Variants in SH3GLB1 observed in about 807,000 individuals in gnomAD.
The protein encoded by SH3GLB1 is endophilin-B1.
A neutral mutation model predicts 42.0 loss-of-function variants in SH3GLB1; 17 were observed. That is an observed-to-expected ratio of 0.40 (90% CI 0.28 to 0.61). SH3GLB1 has a LOEUF of 0.61. Ranked by LOEUF, SH3GLB1 falls within the 20% of genes least tolerant of loss-of-function variation. The probability of loss-of-function intolerance (pLI) is 0.36; values close to 1 mark genes in which losing one functional copy is unlikely to be tolerated. For missense variants in SH3GLB1, 355 were observed against 426.3 expected (o/e 0.83, Z 1.47); for synonymous variants, 132 against 146.6 (o/e 0.90, Z 0.72).
At chr1:86,715,605 G>C in intron 1 of SH3GLB1, 119 bp from the exon 2 acceptor site, 1 of 1,029,242 alleles carries the variant, frequency 9.7e-7, no homozygotes, top group Non-Finnish European at 1.4e-6. Flanking sequence ...TACAAAGCTG[G>C]AGCATGGTTA....
chr1:86,714,347 A>G (rs1261779252), intron 1 of SH3GLB1, among the ~76,000 whole-genome samples: 1 of 152,228 alleles, frequency 6.6e-6, no homozygotes, highest in African/African-American at 2.4e-5. Context: ...GCTTTTGCTC[A>G]GTGCCCAGTC....
intron 1 of SH3GLB1, among the ~76,000 whole-genome samples, chr1:86,713,050 T>G (rs1159347142): frequency 6.6e-6 from 1 of 152,162 alleles, no homozygotes; most frequent in Non-Finnish European, 1.5e-5. Context: ...AATTGCTGAT[T>G]TTCCTGAAAT....
chr1:86,739,806 G>A (rs1655969356), intron 7 of SH3GLB1, among the ~76,000 whole-genome samples: 1 of 152,056 alleles, frequency 6.6e-6, no homozygotes, highest in Non-Finnish European at 1.5e-5. Context: ...ATGAGATTTT[G>A]TGCACATATG....
At chr1:86,724,912 TA>T (rs375596882) in intron 5 of SH3GLB1, among the ~76,000 whole-genome samples, 10 of 123,088 alleles carry the variant, frequency 8.1e-5, no homozygotes, top group African/African-American at 3.6e-4. Flanking sequence ...TATATATATA[TA>T]AAATATATAA....
chr1:86,745,097 G>A lies in SH3GLB1; in HGVS notation c.*1862G>A, dbSNP rs557704053. On this transcript the variant is annotated 3_prime_UTR_variant, in exon 9 of 9. Coordinates refer to ENST00000370558, the MANE Select transcript of SH3GLB1 (RefSeq NM_016009.5). ...AACAGCAACTATGAATTAGGTTTATGGGAAATGTAGTAATACAGGGGAAAG... is the reference window on the plus strand; with the variant it reads ...AACAGCAACTATGAATTAGGTTTATAGGAAATGTAGTAATACAGGGGAAAG... 1 of 152,316 alleles carries A rather than the reference G, an allele frequency of 6.6e-6. No homozygotes were observed. The highest frequency in any genetic ancestry group is 1.9e-4 in the East Asian group (1 of 5,190). 9.4% of individuals were successfully genotyped at this position (152,316 alleles called of 1,614,324 possible).
intron 7 of SH3GLB1, among the ~76,000 whole-genome samples, chr1:86,739,263 G>T (rs910015153): frequency 6.6e-6 from 1 of 152,130 alleles, no homozygotes; most frequent in Non-Finnish European, 1.5e-5. Context: ...AAAAGGAGAG[G>T]ATCAAGGACT....
At position 86,718,602 on chromosome 1, in the gene SH3GLB1, C is replaced by T. The variant is rs532683778; in HGVS notation, c.215-905C>T. ...TTTTCAGTGCACTGTGTGAAACTTC[C>T]GCATGCGTAGGAATCTATGTGAGGT... On this transcript the variant is annotated intron_variant, in intron 2 of 8. Coordinates refer to ENST00000370558, the MANE Select transcript of SH3GLB1 (RefSeq NM_016009.5). Among the ~76,000 whole-genome samples, 180 of 152,214 alleles carry T rather than the reference C, an allele frequency of 1.2e-3. 2 individuals are homozygous for T. Among genetic ancestry groups the T allele is most frequent in the Admixed American group, 2.5e-3 (38 of 15,288 alleles).
chr1:86,724,100 A>G (rs369329807), intron 4 of SH3GLB1, among the ~76,000 whole-genome samples: 20 of 147,238 alleles, frequency 1.4e-4, no homozygotes, highest in East Asian at 8.7e-4. Context: ...CCAGACACTT[A>G]CAATGTTTCA....
chr1:86,715,787 C>A lies in SH3GLB1; in HGVS notation c.136C>A (p.Leu46Ile), dbSNP rs757330913. ...ATTGGATGCTCACTTAGAGAACCTC[C>A]TTAGCAAAGCTGAATGTACCAAAAT... ...TELDAHLENL[L>I]SKAECTKIWT... The change falls in exon 2 of 9, where the codon CTT (leucine) becomes ATT (isoleucine). Residue 46 changes from leucine to isoleucine, a missense_variant. Coordinates refer to ENST00000370558, the MANE Select transcript of SH3GLB1 (RefSeq NM_016009.5). 1.9e-6 allele frequency: 3 copies of A among 1,612,706 alleles called. No homozygotes were observed. The highest frequency in any genetic ancestry group is 2.5e-6 in the Non-Finnish European group (3 of 1,179,662).
rs1317068272 is a variant in SH3GLB1 at position 86,704,706 on chromosome 1, C to T, written c.-194C>T. ...ACCCATCCTTGGCGCTGCCGCCGCG[C>T]GCTTGTTCTCCTCCCTCGCCCCGCC... On this transcript the variant is annotated 5_prime_UTR_variant, in exon 1 of 9. Coordinates refer to ENST00000370558, the MANE Select transcript of SH3GLB1 (RefSeq NM_016009.5). The T allele has an allele frequency of 2.2e-6, 1 of 451,398 alleles. No individual in the cohort carries two copies. The highest frequency in any genetic ancestry group is 4.1e-5 in the East Asian group (1 of 24,448). The allele number at this position is 451,398 out of a possible 1,614,324, so 28.0% of individuals were successfully genotyped here.
intron 1 of SH3GLB1, among the ~76,000 whole-genome samples, chr1:86,714,150 C>T (rs902904145): frequency 6.6e-6 from 1 of 152,202 alleles, no homozygotes; most frequent in South Asian, 2.1e-4. Flanking sequence ...TATTCCCTTT[C>T]TTCCCTTCCT....
intron 1 of SH3GLB1, 24 bp downstream of exon 1, chr1:86,704,995 G>A (rs541139317): frequency 6.6e-6 from 10 of 1,524,970 alleles, no homozygotes; most frequent in African/African-American, 5.7e-5. Flanking sequence ...GGGGGGAAAA[G>A]GGGTGGCGGC....
At chr1:86,705,949 A>G (rs1018802458) in intron 1 of SH3GLB1, among the ~76,000 whole-genome samples, 3 of 152,320 alleles carry the variant, frequency 2.0e-5, no homozygotes, top group African/African-American at 7.2e-5. Flanking sequence ...TGGCTTTACT[A>G]CTTTCCTTGC....
At chr1:86,722,919 T>C (rs900224026) in intron 4 of SH3GLB1, among the ~76,000 whole-genome samples, 5 of 152,194 alleles carry the variant, frequency 3.3e-5, no homozygotes, top group African/African-American at 1.2e-4. Context: ...TTACCAACGC[T>C]AAAATCTATA....
intron 2 of SH3GLB1, among the ~76,000 whole-genome samples, chr1:86,716,902 T>C (rs1654568590): frequency 6.6e-6 from 1 of 152,214 alleles, no homozygotes; most frequent in South Asian, 2.1e-4. Flanking sequence ...ATATGCTTAC[T>C]TTTAGATACT....
At position 86,743,732 on chromosome 1, in the gene SH3GLB1, A is replaced by G. The variant is rs1386698090; in HGVS notation, c.*497A>G. On this transcript the variant is annotated 3_prime_UTR_variant, in exon 9 of 9. Transcript: ENST00000370558. The stretch of plus-strand genomic sequence containing the variant: ...TTTCTGAATGCTTTCATAGACAAAA[A>G]CGCATTTAAACTATGTTTACCTGGT... 6.6e-6 allele frequency: 1 copy of G among 152,636 alleles called. No homozygotes were observed. Among genetic ancestry groups the G allele is most frequent in the Non-Finnish European group, 1.5e-5 (1 of 68,028 alleles). 9.5% of individuals were successfully genotyped at this position (152,636 alleles called of 1,614,324 possible).
intron 5 of SH3GLB1, among the ~76,000 whole-genome samples, chr1:86,729,830 T>A (rs564587649): frequency 6.6e-6 from 1 of 152,012 alleles, no homozygotes; most frequent in Admixed American, 6.5e-5. Flanking sequence ...CTAAGAAAGG[T>A]TAGGTGTTCT....
chr1:86,723,795 C>A (rs1407539353), intron 4 of SH3GLB1, among the ~76,000 whole-genome samples: 7 of 152,190 alleles, frequency 4.6e-5, no homozygotes, highest in African/African-American at 1.7e-4. Context: ...CGTCAAGGAA[C>A]CCTTGCCCCA....
At chr1:86,723,262 A>G (rs559858530) in intron 4 of SH3GLB1, among the ~76,000 whole-genome samples, 1 of 152,332 alleles carries the variant, frequency 6.6e-6, no homozygotes, top group African/African-American at 2.4e-5. Context: ...CTGTAATCCT[A>G]GCACTTTGGG....
Sources: allele counts gnomAD v4.1 joint callset (sites outside exome capture counted in the v4.1 genomes callset), GRCh38; gene constraint gnomAD v4.1.1; transcripts MANE v1.5; gene names NCBI Gene and HGNC (gene_info 2026-07-23, HGNC 2026-07-21).